The following GUCY1A1 variants were observed in gnomAD, a reference collection of about 807,000 sequenced individuals.
The protein encoded by GUCY1A1 is guanylate cyclase soluble subunit alpha-1.
Under a neutral mutation model 64.5 loss-of-function variants are expected in GUCY1A1, and 48 were observed. The observed-to-expected ratio is 0.74, with a 90% CI of 0.59 to 0.95. The LOEUF is 0.95. Ranked by LOEUF, GUCY1A1 falls within the 40% of genes least tolerant of loss-of-function variation. The probability of loss-of-function intolerance (pLI) is 0.00; values close to 1 mark genes in which losing one functional copy is unlikely to be tolerated. For missense variants in GUCY1A1, 804 were observed against 825.3 expected (o/e 0.97, Z 0.32); for synonymous variants, 308 against 303.4 (o/e 1.02, Z -0.16).
chr4:155,709,257 G>T (rs1288107068), intron 5 of GUCY1A1, among the ~76,000 whole-genome samples: 2 of 152,096 alleles, frequency 1.3e-5, no homozygotes, highest in Non-Finnish European at 2.9e-5. Context: ...CAAAGGCTCT[G>T]CCATCTCAAA....
chr4:155,724,280 G>T (rs1734366129), intron 9 of GUCY1A1, among the ~76,000 whole-genome samples: 1 of 152,006 alleles, frequency 6.6e-6, no homozygotes, highest in Admixed American at 6.6e-5. Context: ...ATTCCCAACA[G>T]AATACAACCA....
At chr4:155,689,272 T>C (rs1483196794) in intron 2 of GUCY1A1, among the ~76,000 whole-genome samples, 1 of 152,002 alleles carries the variant, frequency 6.6e-6, no homozygotes, top group Non-Finnish European at 1.5e-5. Context: ...ACTAAGCCTC[T>C]GCAAGGAACT....
chr4:155,675,243 A>C (rs1186152476), intron 2 of GUCY1A1, among the ~76,000 whole-genome samples: 27 of 151,642 alleles, frequency 1.8e-4, no homozygotes, highest in Admixed American at 1.8e-3. Flanking sequence ...TTAAGTTAAT[A>C]AAATAAGTGA....
At position 155,696,814 on chromosome 4, in the gene GUCY1A1, A is replaced by T. The variant is rs954909496; in HGVS notation, c.-54A>T. The T allele has an allele frequency of 3.2e-6, 5 of 1,561,912 alleles. No individual in the cohort carries two copies. Among genetic ancestry groups the T allele is most frequent in the Non-Finnish European group, 4.4e-6 (5 of 1,138,478 alleles). ...TGGCTTCTGTTTGTCAGTCTCATAT[A>T]AGAACTACAGCTCATCAGGAGGAGA... is the stretch of plus-strand genomic sequence containing the variant. On this transcript the variant is annotated 5_prime_UTR_variant, in exon 3 of 10. Transcript: ENST00000506455.
chr4:155,703,963 C>A lies in GUCY1A1; in HGVS notation c.287C>A (p.Thr96Lys). 6.2e-7 allele frequency: 1 copy of A among 1,608,308 alleles called. No individual in the cohort carries two copies. Among genetic ancestry groups the A allele is most frequent in the Non-Finnish European group, 8.5e-7 (1 of 1,176,862 alleles). Residue 96 changes from threonine (T) to lysine (K), a missense_variant, in exon 4 of 10, where the codon ACA becomes AAA. By Grantham distance (78) the Thr-to-Lys change is moderately conservative (BLOSUM62 -1). Coordinates refer to ENST00000506455, the MANE Select transcript of GUCY1A1 (RefSeq NM_001130682.3). ...CGGCTGAATGTTGCACTTCAGAGAA[C>A]ATTGGCAAAGCACAAAATAAAAGAA... ...FERLNVALQRTLAKHKIKESR... is the reference protein window; with the variant it reads ...FERLNVALQRKLAKHKIKESR...
At chr4:155,724,251 T>C (rs2126966633) in intron 9 of GUCY1A1, among the ~76,000 whole-genome samples, 1 of 152,260 alleles carries the variant, frequency 6.6e-6, no homozygotes, top group South Asian at 2.1e-4. Flanking sequence ...ATGATCAATT[T>C]CTCTTTGATG....
At chr4:155,693,741 G>A (rs760695999) in intron 2 of GUCY1A1, among the ~76,000 whole-genome samples, 8 of 152,038 alleles carry the variant, frequency 5.3e-5, no homozygotes, top group South Asian at 2.1e-4. Flanking sequence ...AACACTGTTC[G>A]GCTTATTTCC....
chr4:155,670,037 G>A (rs1252962637), intron 2 of GUCY1A1, among the ~76,000 whole-genome samples: 1 of 152,144 alleles, frequency 6.6e-6, no homozygotes, highest in Non-Finnish European at 1.5e-5. Flanking sequence ...AGTAATACAA[G>A]CCAAAAAGTA....
rs1168817477 is a variant in GUCY1A1 at position 155,725,764 on chromosome 4, T to C, written c.1871+3572T>C. On this transcript the variant is annotated intron_variant, in intron 9 of 9. Transcript: ENST00000506455. ...TGTATTTCAGCAGAGGACCACAACA[T>C]GTTGACATATATTTCTGACAACAGG... is the stretch of plus-strand genomic sequence containing the variant. Among the ~76,000 whole-genome samples, 4 of 152,098 alleles carry C rather than the reference T, an allele frequency of 2.6e-5. No homozygotes were observed. In the East Asian group the frequency reaches 5.8e-4, roughly 22 times the overall value.
chr4:155,720,028 C>T (rs1373642794), intron 8 of GUCY1A1, among the ~76,000 whole-genome samples: 2 of 152,064 alleles, frequency 1.3e-5, no homozygotes, highest in Non-Finnish European at 2.9e-5. Context: ...ATTTGAAAAG[C>T]TCTGTAAGAA....
At chr4:155,703,766 A>C (rs764408203) in intron 3 of GUCY1A1, among the ~76,000 whole-genome samples, 166 bp from the exon 4 acceptor site, 4 of 152,172 alleles carry the variant, frequency 2.6e-5, no homozygotes, top group African/African-American at 4.8e-5. Flanking sequence ...CACATAGAAA[A>C]TCACTTCCAG....
Position 155,713,314 on chromosome 4 carries a change from A to G in GUCY1A1, c.1303A>G (p.Thr435Ala). The change falls in exon 7 of 10, where the codon ACC (threonine) becomes GCC (alanine). Residue 435 changes from threonine (T) to alanine (A), a missense_variant. Coordinates refer to ENST00000506455, the MANE Select transcript of GUCY1A1 (RefSeq NM_001130682.3). The part of the protein sequence containing the change: ...LKKRLGKLKA[T>A]LEQAHQALEE... Reference sequence around the variant, plus strand: ...GAAGAGGCTGGGGAAGCTGAAGGCTACCCTTGAGCAAGCCCACCAAGCCCT... The same window carrying G: ...GAAGAGGCTGGGGAAGCTGAAGGCTGCCCTTGAGCAAGCCCACCAAGCCCT... The G allele has an allele frequency of 6.2e-7, 1 of 1,614,156 alleles. No homozygotes were observed. Among genetic ancestry groups the G allele is most frequent in the Non-Finnish European group, 8.5e-7 (1 of 1,180,024 alleles).
At chr4:155,706,228 G>A (rs1731740805) in intron 4 of GUCY1A1, among the ~76,000 whole-genome samples, 1 of 152,134 alleles carries the variant, frequency 6.6e-6, no homozygotes, top group Non-Finnish European at 1.5e-5. Context: ...TTTTCTTGAT[G>A]AGAACTATTC....
At chr4:155,721,429 T>C (rs936637025) in intron 8 of GUCY1A1, among the ~76,000 whole-genome samples, 4 of 152,130 alleles carry the variant, frequency 2.6e-5, no homozygotes, top group Non-Finnish European at 5.9e-5. Context: ...TTCATGTATA[T>C]AGACATTGTC....
chr4:155,712,445 G>T (rs1732700076), intron 6 of GUCY1A1, among the ~76,000 whole-genome samples: 1 of 152,140 alleles, frequency 6.6e-6, no homozygotes, highest in Non-Finnish European at 1.5e-5. Flanking sequence ...GGTTGCTTTT[G>T]GCTTTTTGCT....
rs555287494 is a variant in GUCY1A1, at chr4:155,730,450, T to C, written c.*219T>C. On this transcript the variant is annotated 3_prime_UTR_variant, in exon 10 of 10. Transcript: ENST00000506455. Reference sequence around the variant, plus strand: ...AAAAAAAAACCTTAAAAAGCTACTTTTGTGGGAGTATTTCTATTATATAAC... The same window carrying C: ...AAAAAAAAACCTTAAAAAGCTACTTCTGTGGGAGTATTTCTATTATATAAC... 3 of 415,080 alleles carry C rather than the reference T, an allele frequency of 7.2e-6. No homozygotes were observed. The highest frequency in any genetic ancestry group is 1.3e-5 in the Non-Finnish European group (3 of 231,904). 25.7% of individuals were successfully genotyped at this position (415,080 alleles called of 1,614,324 possible).
chr4:155,732,683 C>T lies in GUCY1A1; in HGVS notation c.*2452C>T, dbSNP rs2110824878. On this transcript the variant is annotated 3_prime_UTR_variant, in exon 10 of 10. Coordinates refer to ENST00000506455, the MANE Select transcript of GUCY1A1 (RefSeq NM_001130682.3). Reference sequence around the variant, plus strand: ...GTATTGAAGATGGAAAAATAGTGGACAAACAGCCTGTAATCAGGTTGGGGA... The same window carrying T: ...GTATTGAAGATGGAAAAATAGTGGATAAACAGCCTGTAATCAGGTTGGGGA... 6.6e-6 allele frequency among the ~76,000 whole-genome samples: 1 copy of T among 151,950 alleles called. No individual in the cohort carries two copies. The highest frequency in any genetic ancestry group is 3.4e-3 in the Middle Eastern group (1 of 294).
intron 2 of GUCY1A1, chr4:155,668,090 G>T (rs1733613256): frequency 6.6e-6 from 1 of 152,344 alleles, no homozygotes; most frequent in African/African-American, 2.4e-5. Flanking sequence ...TTTTCGTTAG[G>T]ACTGCGGCTC....
chr4:155,726,113 T>C (rs925694558), intron 9 of GUCY1A1, among the ~76,000 whole-genome samples: 3 of 152,062 alleles, frequency 2.0e-5, no homozygotes, highest in African/African-American at 7.2e-5. Flanking sequence ...AAGTCATTTC[T>C]ACTTTTTATA....
Sources: gnomAD v4.1 joint callset for allele counts (sites outside exome capture counted in the v4.1 genomes callset) on GRCh38, gnomAD v4.1.1 for gene constraint, MANE v1.5 for transcripts, NCBI Gene and HGNC (gene_info 2026-07-23, HGNC 2026-07-21) for gene names.